Variants in C12orf42 observed in about 807,000 individuals in gnomAD.
C12orf42 encodes uncharacterized protein C12orf42.
In C12orf42, 25 loss-of-function variants were observed where a neutral mutation model predicts 21.6. That is an observed-to-expected ratio of 1.16 (90% CI 0.84 to 1.62). C12orf42 has a LOEUF of 1.62. Ranked by LOEUF, C12orf42 falls within the 40% of genes most tolerant of loss-of-function variation. The pLI, the probability that C12orf42 is intolerant of heterozygous loss-of-function variation, is 0.00. For synonymous variants in C12orf42, 174 were observed against 175.0 expected (o/e 0.99, Z 0.05); for missense variants, 483 against 459.3 (o/e 1.05, Z -0.47).
In C12orf42 at chr12:103,306,061, G is replaced by A; in HGVS notation, c.544C>T (p.Pro182Ser). 6.2e-7 allele frequency: 1 copy of A among 1,613,944 alleles called. No homozygotes were observed. The change falls in exon 5 of 6, where the codon CCT becomes TCT. Residue 182 changes from proline to serine, a missense_variant. Pro to Ser is a moderately conservative substitution (Grantham distance 74). Coordinates refer to ENST00000548883, the MANE Select transcript of C12orf42 (RefSeq NM_198521.5). ...ATGCCCTGAGCCTCCAGGTGAACAGGATTTACTGAGTGTGCCCAGTTAGGC... is the reference window on the plus strand; with the variant it reads ...ATGCCCTGAGCCTCCAGGTGAACAGAATTTACTGAGTGTGCCCAGTTAGGC... ...KKPNWAHSVN[P>S]VHLEAQGIHI...
rs1251170925 is a variant in C12orf42, at chr12:103,302,314, G to T, written c.877C>A (p.Arg293=). Residue 293 remains arginine, a synonymous_variant, in exon 6 of 6, where the codon CGG becomes AGG. Transcript: ENST00000548883. ...EMLPKHPHTP[R]DRRPQADTSL... is the part of the protein sequence containing the mutation. ...GTGTCCGCCTGAGGCCTCCTGTCCC[G>T]CGGGGTATGAGGATGCTTGGGGAGC... 7 of 1,613,950 alleles carry T rather than the reference G, an allele frequency of 4.3e-6. No homozygotes were observed. Among genetic ancestry groups the T allele is most frequent in the Non-Finnish European group, 5.1e-6 (6 of 1,179,870 alleles).
chr12:103,204,846 T>C, the C12orf42 span, among the ~76,000 whole-genome samples: 22 of 140,654 alleles, frequency 1.6e-4, no homozygotes, highest in African/African-American at 4.8e-4. Flanking sequence ...TAAAGTAGAA[T>C]AAAATATTTG....
the C12orf42 span, among the ~76,000 whole-genome samples, chr12:103,163,449 G>C: frequency 1.3e-5 from 2 of 152,108 alleles, no homozygotes; most frequent in Admixed American, 1.3e-4. Context: ...CCCTTGAATT[G>C]TGTGCTCCAG....
chr12:103,158,873 CAAA>C, the C12orf42 span, among the ~76,000 whole-genome samples: 712 of 109,802 alleles, frequency 6.5e-3, 3 homozygotes, highest in African/African-American at 0.015. Flanking sequence ...GAGCAAGACT[CAAA>C]AAAAAAAAAA....
intron 10 of C12orf42, among the ~76,000 whole-genome samples, chr12:103,244,842 T>A (rs1018511240): frequency 6.6e-6 from 1 of 152,064 alleles, no homozygotes; most frequent in South Asian, 2.1e-4. Context: ...CACACCATGT[T>A]TAAACTAATA....
downstream of C12orf42, among the ~76,000 whole-genome samples, chr12:103,235,375 T>C (rs529628861): frequency 6.6e-6 from 1 of 152,302 alleles, no homozygotes; most frequent in South Asian, 2.1e-4. Flanking sequence ...ATGATTGTTT[T>C]AGAAGTTTCT....
intron 3 of C12orf42, chr12:103,378,648 C>T (rs1255449034): frequency 6.6e-6 from 1 of 152,204 alleles, no homozygotes; most frequent in East Asian, 1.9e-4. Context: ...AAGTAGCTAA[C>T]ACACGGCTTG....
the C12orf42 span, among the ~76,000 whole-genome samples, chr12:103,079,512 T>C: frequency 1.3e-5 from 2 of 152,208 alleles, no homozygotes; most frequent in Non-Finnish European, 2.9e-5. Context: ...TTTCAAGACA[T>C]GTGATACACA....
chr12:103,338,040 T>G (rs1843589030), intron 4 of C12orf42, among the ~76,000 whole-genome samples: 1 of 152,232 alleles, frequency 6.6e-6, no homozygotes, highest in African/African-American at 2.4e-5. Context: ...TTCTATTTAG[T>G]TGCAGTCTTA....
the C12orf42 span, among the ~76,000 whole-genome samples, chr12:103,507,424 C>T: frequency 6.9e-6 from 1 of 144,170 alleles, no homozygotes; most frequent in African/African-American, 2.6e-5. Context: ...AATCTTAGCA[C>T]TCTGGGAGGC....
chr12:103,167,767 AG>A, the C12orf42 span, among the ~76,000 whole-genome samples: 1 of 146,920 alleles, frequency 6.8e-6, no homozygotes, highest in Non-Finnish European at 1.5e-5. Flanking sequence ...AGAAACTTTT[AG>A]AGTTATGAGA....
At position 103,395,556 on chromosome 12, in the gene C12orf42, C is replaced by T. The variant is rs895131836; in HGVS notation, c.147+6051G>A. 2.6e-5 allele frequency among the ~76,000 whole-genome samples: 4 copies of T among 152,154 alleles called. No homozygotes were observed. In the East Asian group the frequency reaches 7.7e-4, roughly 29 times the overall value. ...TTCACTGTGTTAGGCAGGATGGTCT[C>T]GATCTCCTGACCGAGCGATCTGCCC... On this transcript the variant is annotated intron_variant, in intron 3 of 5. Transcript: ENST00000548883.
chr12:103,115,115 A>C, the C12orf42 span, among the ~76,000 whole-genome samples: 1 of 152,218 alleles, frequency 6.6e-6, no homozygotes, highest in African/African-American at 2.4e-5. Context: ...CAAAAAGGGA[A>C]TAAAGTCTTT....
At chr12:103,304,931 G>A (rs2038117072) in intron 5 of C12orf42, among the ~76,000 whole-genome samples, 1 of 152,090 alleles carries the variant, frequency 6.6e-6, no homozygotes, top group South Asian at 2.1e-4. Context: ...TTGTCTTCTG[G>A]TCAGTTCCAA....
At chr12:103,384,005 G>GC (rs1487937751) in intron 3 of C12orf42, among the ~76,000 whole-genome samples, 133 of 152,316 alleles carry the variant, frequency 8.7e-4, no homozygotes, top group African/African-American at 3.1e-3. Context: ...CAAGCCCAGA[G>GC]CAGTGGTTAC....
At chr12:103,128,713 C>T in the C12orf42 span, among the ~76,000 whole-genome samples, 1 of 152,160 alleles carries the variant, frequency 6.6e-6, no homozygotes, top group African/African-American at 2.4e-5. Context: ...GCACTCAATA[C>T]ATGGAGTGAT....
chr12:103,167,073 T>C, the C12orf42 span, among the ~76,000 whole-genome samples: 1 of 152,206 alleles, frequency 6.6e-6, no homozygotes, highest in Non-Finnish European at 1.5e-5. Flanking sequence ...GTATGGCCTG[T>C]GTGTCACATT....
the C12orf42 span, among the ~76,000 whole-genome samples, chr12:103,192,503 A>C: frequency 1.8e-5 from 1 of 54,434 alleles, no homozygotes; most frequent in Non-Finnish European, 4.8e-5. Flanking sequence ...ACTCCATCTC[A>C]AAAAAAAAAA....
the C12orf42 span, among the ~76,000 whole-genome samples, chr12:103,168,641 G>A: frequency 2.6e-5 from 4 of 151,948 alleles, no homozygotes; most frequent in Middle Eastern, 3.2e-3. Flanking sequence ...TTCTTAACCC[G>A]TTTAAAAATC....
Sources: gnomAD v4.1 joint callset for allele counts (sites outside exome capture counted in the v4.1 genomes callset) on GRCh38, gnomAD v4.1.1 for gene constraint, MANE v1.5 for transcripts, NCBI Gene and HGNC (gene_info 2026-07-23, HGNC 2026-07-21) for gene names.